Variants in CPQ observed in about 807,000 individuals in gnomAD.
CPQ encodes the protein carboxypeptidase Q, also known as Ser-Met dipeptidase.
In CPQ, 37 loss-of-function variants were observed where a neutral mutation model predicts 45.7. The observed-to-expected ratio is 0.81, with a 90% CI of 0.62 to 1.07. The LOEUF is 1.07. Ranked by LOEUF, CPQ falls within the 50% of genes least tolerant of loss-of-function variation. The pLI is 0.00. For missense variants in CPQ, 537 were observed against 572.9 expected (o/e 0.94, Z 0.64); for synonymous variants, 186 against 205.8 (o/e 0.90, Z 0.82).
intron 1 of CPQ, among the ~76,000 whole-genome samples, chr8:96,770,061 C>G (rs1326736094): frequency 6.6e-6 from 1 of 152,116 alleles, no homozygotes; most frequent in African/African-American, 2.4e-5. Context: ...AATTAATTTT[C>G]TAAGAAGGCA....
intron 1 of CPQ, among the ~76,000 whole-genome samples, chr8:96,753,648 T>A (rs1810291254): frequency 6.6e-6 from 1 of 152,100 alleles, no homozygotes; most frequent in Non-Finnish European, 1.5e-5. Context: ...ATGTATTTTA[T>A]AATTAGTGAT....
intron 1 of CPQ, among the ~76,000 whole-genome samples, chr8:96,747,640 G>T (rs751436832): frequency 4.6e-5 from 7 of 152,184 alleles, no homozygotes; most frequent in Non-Finnish European, 7.3e-5. Context: ...ATTATGGAGC[G>T]TCTTAAGATT....
At chr8:97,001,118 A>C (rs1401015232) in intron 5 of CPQ, among the ~76,000 whole-genome samples, 1 of 152,296 alleles carries the variant, frequency 6.6e-6, no homozygotes, top group African/African-American at 2.4e-5. Context: ...GAAGTTGCTT[A>C]TCAGCTTAAG....
At chr8:96,950,946 G>T (rs566736137) in intron 4 of CPQ, among the ~76,000 whole-genome samples, 1 of 152,186 alleles carries the variant, frequency 6.6e-6, no homozygotes, top group South Asian at 2.1e-4. Context: ...CTGAAACCCA[G>T]ATCTTAATTA....
intron 3 of CPQ, among the ~76,000 whole-genome samples, chr8:96,850,584 T>A (rs983366412): frequency 4.8e-4 from 66 of 136,636 alleles, no homozygotes; most frequent in African/African-American, 1.8e-3. Context: ...TTTTATTTTA[T>A]TTTATTTATT....
At chr8:96,896,396 A>G (rs143790512) in intron 4 of CPQ, among the ~76,000 whole-genome samples, 107 of 151,980 alleles carry the variant, frequency 7.0e-4, no homozygotes, top group African/African-American at 2.5e-3. Flanking sequence ...TTTCCTGCCT[A>G]TTTTCTAGAG....
At chr8:96,848,540 T>C (rs1283459745) in intron 3 of CPQ, among the ~76,000 whole-genome samples, 4 of 152,234 alleles carry the variant, frequency 2.6e-5, no homozygotes, top group African/African-American at 9.6e-5. Flanking sequence ...TGCTTTTGTG[T>C]TGTAGTTTCT....
At chr8:96,896,203 T>C (rs1034829949) in intron 4 of CPQ, among the ~76,000 whole-genome samples, 11 of 152,098 alleles carry the variant, frequency 7.2e-5, no homozygotes, top group Non-Finnish European at 1.5e-5. Flanking sequence ...TTTTTCCCTC[T>C]CCACCTGTCT....
At chr8:96,976,586 C>T (rs1336950534) in intron 5 of CPQ, among the ~76,000 whole-genome samples, 1 of 151,994 alleles carries the variant, frequency 6.6e-6, no homozygotes, top group Non-Finnish European at 1.5e-5. Context: ...ATCACATTAC[C>T]CTACTTCAAA....
At chr8:96,839,282 T>A (rs1811573400) in intron 3 of CPQ, among the ~76,000 whole-genome samples, 2 of 152,066 alleles carry the variant, frequency 1.3e-5, no homozygotes, top group African/African-American at 4.8e-5. Context: ...GTCCATTGCT[T>A]GTTGTCAGCA....
chr8:97,131,320 G>C (rs1479159801), intron 7 of CPQ, among the ~76,000 whole-genome samples: 1 of 152,118 alleles, frequency 6.6e-6, no homozygotes, highest in Non-Finnish European at 1.5e-5. Flanking sequence ...GGAATCCAAA[G>C]GCTCTCACAC....
At chr8:96,921,106 G>A (rs1161310249) in intron 4 of CPQ, among the ~76,000 whole-genome samples, 1 of 152,172 alleles carries the variant, frequency 6.6e-6, no homozygotes, top group African/African-American at 2.4e-5. Context: ...TGAAGCCATT[G>A]AGGCTCTGAG....
intron 5 of CPQ, among the ~76,000 whole-genome samples, chr8:96,970,985 A>G (rs1344800957): frequency 6.6e-6 from 1 of 152,242 alleles, no homozygotes; most frequent in Non-Finnish European, 1.5e-5. Context: ...TCCTATGGTC[A>G]GATAAGTTTG....
chr8:97,068,099 C>T (rs1178347677), intron 7 of CPQ, among the ~76,000 whole-genome samples: 1 of 152,112 alleles, frequency 6.6e-6, no homozygotes, highest in South Asian at 2.1e-4. Context: ...CTTGTCCCTC[C>T]CCATCCCAGG....
In CPQ at chr8:96,837,172, A is replaced by G. The variant is rs78967625; in HGVS notation, c.641+1992A>G. On this transcript the variant is annotated intron_variant, in intron 3 of 7. Transcript: ENST00000220763. ...TTAACATGTTTAAGTTTTGCATCCT[A>G]AGAAATAAAAACGAAAATAAAATGA... Among the ~76,000 whole-genome samples, 39 of 152,242 alleles carry G rather than the reference A, an allele frequency of 2.6e-4. No homozygotes were observed. The East Asian group carries it at 7.6e-3, about 30-fold the overall frequency.
At chr8:96,715,346 G>A (rs555111238) in intron 1 of CPQ, among the ~76,000 whole-genome samples, 9 of 152,296 alleles carry the variant, frequency 5.9e-5, no homozygotes, top group Admixed American at 6.5e-5. Context: ...TCCTGACCCA[G>A]TGTTCTAGCT....
chr8:96,754,154 A>G (rs529695691), intron 1 of CPQ, among the ~76,000 whole-genome samples: 1 of 152,218 alleles, frequency 6.6e-6, no homozygotes, highest in East Asian at 1.9e-4. Flanking sequence ...GTATTCATAA[A>G]TAAAACTTGT....
chr8:97,044,515 C>T (rs533989059), intron 6 of CPQ, among the ~76,000 whole-genome samples: 4 of 152,336 alleles, frequency 2.6e-5, no homozygotes, highest in East Asian at 1.9e-4. Context: ...AGCTTTGTTC[C>T]GTTGCTGGTG....
intron 4 of CPQ, among the ~76,000 whole-genome samples, chr8:96,934,362 G>A (rs1168286170): frequency 1.3e-5 from 2 of 152,182 alleles, no homozygotes; most frequent in Non-Finnish European, 1.5e-5. Flanking sequence ...CCAAGTAGGT[G>A]TTAGACTGGG....
Sources: gnomAD v4.1 joint callset for allele counts (sites outside exome capture counted in the v4.1 genomes callset) on GRCh38, gnomAD v4.1.1 for gene constraint, MANE v1.5 for transcripts, NCBI Gene and HGNC (gene_info 2026-07-23, HGNC 2026-07-21) for gene names.